Variants in CCDC88C observed in about 807,000 individuals in gnomAD.
The protein encoded by CCDC88C is coiled-coil and HOOK domain protein 88C, also known as protein Daple.
Under a neutral mutation model 198.8 loss-of-function variants are expected in CCDC88C, and 131 were observed. The observed-to-expected ratio is 0.66, with a 90% CI of 0.57 to 0.76. The LOEUF (loss-of-function observed/expected upper bound fraction) is 0.76. Ranked by LOEUF, CCDC88C falls within the 30% of genes least tolerant of loss-of-function variation. The pLI, the probability that CCDC88C is intolerant of heterozygous loss-of-function variation, is 0.00. For missense variants in CCDC88C, 2,553 were observed against 2,631.6 expected, an observed-to-expected ratio of 0.97 and a Z score of 0.65; for synonymous variants, 1,166 against 1,114.7, an observed-to-expected ratio of 1.05 and a Z score of -0.92.
chr14:91,376,153 G>GC (rs11350814), intron 3 of CCDC88C, among the ~76,000 whole-genome samples: 15 of 152,092 alleles, frequency 9.9e-5, no homozygotes, highest in African/African-American at 3.6e-4. Flanking sequence ...TCCCGCTGCT[G>GC]CCCCCCAGGA....
chr14:91,292,935 C>T (rs1890726020), intron 23 of CCDC88C, among the ~76,000 whole-genome samples: 1 of 152,140 alleles, frequency 6.6e-6, no homozygotes, highest in Non-Finnish European at 1.5e-5. Flanking sequence ...ATGGAAGCTA[C>T]CACAGCTGAG....
At chr14:91,345,745 G>A (rs1194858868) in intron 4 of CCDC88C, among the ~76,000 whole-genome samples, 1 of 151,982 alleles carries the variant, frequency 6.6e-6, no homozygotes, top group African/African-American at 2.4e-5. Flanking sequence ...TGTGCTTGGG[G>A]CTGAATGCAT....
Position 91,344,294 on chromosome 14 carries a change from T to A in CCDC88C, c.341-637A>T, listed in dbSNP as rs149079989. The stretch of plus-strand genomic sequence containing the variant: ...AGAGAACAACTCCCACAGGAAATAC[T>A]GAGTCAACGCTAAAATAAGGCTGTA... On this transcript the variant is annotated intron_variant, in intron 4 of 29. Coordinates refer to ENST00000389857, the MANE Select transcript of CCDC88C (RefSeq NM_001080414.4). Among the ~76,000 whole-genome samples, 14 of 152,278 alleles carry A rather than the reference T, an allele frequency of 9.2e-5. No homozygotes were observed. The East Asian group carries it at 2.3e-3, about 25-fold the overall frequency.
chr14:91,392,608 G>C (rs541301575), intron 3 of CCDC88C, among the ~76,000 whole-genome samples: 1 of 152,052 alleles, frequency 6.6e-6, no homozygotes, highest in Non-Finnish European at 1.5e-5. Flanking sequence ...CCATACCAGC[G>C]ATGCATAAAA....
chr14:91,376,086 T>C (rs1884394644), intron 3 of CCDC88C, among the ~76,000 whole-genome samples: 1 of 151,932 alleles, frequency 6.6e-6, no homozygotes. Context: ...CCTGAGGAGC[T>C]GGCAGGCGCA....
Position 91,321,179 on chromosome 14 carries a change from C to T in CCDC88C, c.1468G>A (p.Glu490Lys), listed in dbSNP as rs747142100. The change falls in exon 13 of 30, where the codon GAG becomes AAG. Residue 490 changes from glutamate (E) to lysine (K), a missense_variant. By Grantham distance (56) the Glu-to-Lys change is moderately conservative. Around this residue, in one of 2 missense-constraint regions of CCDC88C, gnomAD observed 1,260 missense variants for 1,412.0 expected, o/e 0.89. Transcript: ENST00000389857. ...QGLRDASLVLEESGLKCGELE... is the reference protein window; with the variant it reads ...QGLRDASLVLKESGLKCGELE... ...TCCCCGCACTTGAGGCCGCTCTCCTCCAACACCAGGGACGCGTCCCGCAGC... is the reference window on the plus strand; with the variant it reads ...TCCCCGCACTTGAGGCCGCTCTCCTTCAACACCAGGGACGCGTCCCGCAGC... 6.2e-7 allele frequency: 1 copy of T among 1,613,248 alleles called. No individual in the cohort carries two copies. The highest frequency in any genetic ancestry group is 2.2e-5 in the East Asian group (1 of 44,866).
At chr14:91,354,524 G>T (rs941333263) in intron 4 of CCDC88C, among the ~76,000 whole-genome samples, 11 of 152,206 alleles carry the variant, frequency 7.2e-5, no homozygotes, top group Admixed American at 5.2e-4. Flanking sequence ...GGTTTTCAGG[G>T]AGTCATCTCA....
chr14:91,365,924 T>A (rs1440916453), intron 3 of CCDC88C, among the ~76,000 whole-genome samples: 1 of 152,018 alleles, frequency 6.6e-6, no homozygotes, highest in Non-Finnish European at 1.5e-5. Flanking sequence ...AAAAGATACA[T>A]AATTGTATGT....
In CCDC88C at chr14:91,396,893, G is replaced by C. The variant is rs563266099; in HGVS notation, c.270+11766C>G. Among the ~76,000 whole-genome samples the C allele has an allele frequency of 3.4e-3, 523 of 152,210 alleles. 5 individuals carry two copies. Among genetic ancestry groups the C allele is most frequent in the African/African-American group, 0.011 (477 of 41,526 alleles). On this transcript the variant is annotated intron_variant, in intron 3 of 29. Transcript: ENST00000389857. Reference sequence around the variant, plus strand: ...TGCATGCTGGTAGTCCCAGCTACTCGGGGGGCTGAGGCAGGAGGATTGCTT... The same window carrying C: ...TGCATGCTGGTAGTCCCAGCTACTCCGGGGGCTGAGGCAGGAGGATTGCTT...
Position 91,315,861 on chromosome 14 carries a change from A to G in CCDC88C, c.1528-74T>C, listed in dbSNP as rs1381952421. On this transcript the variant is annotated intron_variant, in intron 13 of 29. Transcript: ENST00000389857. ...TGAACCATGATTTAAAACAAAACAGAAACCACCCCAACAGAATGCACTGAT... is the reference window on the plus strand; with the variant it reads ...TGAACCATGATTTAAAACAAAACAGGAACCACCCCAACAGAATGCACTGAT... 5.3e-6 allele frequency: 8 copies of G among 1,506,192 alleles called. No homozygotes were observed. The African/African-American group carries it at 1.1e-4, about 21-fold the overall frequency. The allele number at this position is 1,506,192 out of a possible 1,614,324, so 93.3% of individuals were successfully genotyped here.
chr14:91,303,858 G>T lies in CCDC88C; in HGVS notation c.3478C>A (p.Leu1160Ile). The T allele has an allele frequency of 6.2e-7, 1 of 1,613,270 alleles. No homozygotes were observed. The highest frequency in any genetic ancestry group is 8.5e-7 in the Non-Finnish European group (1 of 1,179,894). Residue 1160 changes from leucine to isoleucine, a missense_variant, in exon 20 of 30, where the codon CTT becomes ATT. Transcript: ENST00000389857. ...AGCAGGGCCTCGTAGGCCGCTGTAA[G>T]TTGCTCCTGCTGCCTCTGCAGGCTT... ...NESLQRQQEQ[L>I]TAAYEALLQD...
intron 27 of CCDC88C, among the ~76,000 whole-genome samples, chr14:91,280,938 A>G (rs1890171207): frequency 6.6e-6 from 1 of 152,044 alleles, no homozygotes; most frequent in Non-Finnish European, 1.5e-5. Flanking sequence ...TTATTTTCTC[A>G]CCCTTGTAGG....
In CCDC88C at chr14:91,371,462, C is replaced by A. The variant is rs1894798435; in HGVS notation, c.271-11751G>T. 6.6e-6 allele frequency among the ~76,000 whole-genome samples: 1 copy of A among 152,024 alleles called. No individual in the cohort carries two copies. The highest frequency in any genetic ancestry group is 1.5e-5 in the Non-Finnish European group (1 of 67,974). ...CCATGTGCTGTCCAGGCCCAGCCAACCTCACCCGCCGGTGGCAGGAGTACA... is the reference window on the plus strand; with the variant it reads ...CCATGTGCTGTCCAGGCCCAGCCAAACTCACCCGCCGGTGGCAGGAGTACA... On this transcript the variant is annotated intron_variant, in intron 3 of 29. Transcript: ENST00000389857. The surrounding 1 kb of genome is among the most constrained non-coding windows in gnomAD (Gnocchi z 4.2).
intron 3 of CCDC88C, among the ~76,000 whole-genome samples, chr14:91,382,792 C>A (rs945560491): frequency 3.3e-5 from 5 of 152,158 alleles, no homozygotes; most frequent in African/African-American, 1.2e-4. Flanking sequence ...GGCTACGCAC[C>A]CGCTTTAAAA....
At chr14:91,369,497 T>C (rs998469021) in intron 3 of CCDC88C, among the ~76,000 whole-genome samples, 9 of 152,194 alleles carry the variant, frequency 5.9e-5, no homozygotes, top group African/African-American at 2.2e-4. Context: ...TGACCCACCA[T>C]GCCCGGCCAA....
intron 3 of CCDC88C, among the ~76,000 whole-genome samples, chr14:91,405,252 C>T (rs1046722517): frequency 5.3e-5 from 8 of 152,128 alleles, no homozygotes; most frequent in African/African-American, 7.2e-5. Context: ...TCCAGTGTGC[C>T]GCAGAGAAGA....
At chr14:91,340,168 G>A (rs17127258) in intron 6 of CCDC88C, 144 bp from the exon 7 acceptor site, 11 of 1,141,874 alleles carry the variant, frequency 9.6e-6, no homozygotes, top group African/African-American at 9.2e-5. Context: ...GGTGCCCTAC[G>A]CAAGTGTGGC....
At position 91,327,259 on chromosome 14, in the gene CCDC88C, T is replaced by C. The variant is rs568474909; in HGVS notation, c.1051-1203A>G. Among the ~76,000 whole-genome samples, 107 of 152,354 alleles carry C rather than the reference T, an allele frequency of 7.0e-4. 1 individual carries two copies. Among genetic ancestry groups the C allele is most frequent in the African/African-American group, 2.3e-3 (97 of 41,582 alleles). On this transcript the variant is annotated intron_variant, in intron 10 of 29. Coordinates refer to ENST00000389857, the MANE Select transcript of CCDC88C (RefSeq NM_001080414.4). ...TATCCACCATGTGCTCATCTTCCTA[T>C]GTGGGCCAGAATCCAAGACTCCTGG... is the stretch of plus-strand genomic sequence containing the variant.
chr14:91,285,806 T>A, intron 25 of CCDC88C: 4 of 1,288,902 alleles, frequency 3.1e-6, no homozygotes, highest in Non-Finnish European at 4.0e-6. Flanking sequence ...GTTTTTGCTT[T>A]TCAAAAAGGG....
Sources: allele counts gnomAD v4.1 joint callset (sites outside exome capture counted in the v4.1 genomes callset), GRCh38; gene constraint gnomAD v4.1.1; regional missense constraint gnomAD v4.1.1; non-coding constraint Gnocchi (gnomAD v3.1); transcripts MANE v1.5; gene names NCBI Gene and HGNC (gene_info 2026-07-23, HGNC 2026-07-21).